Variants in EIF3E observed in about 807,000 individuals in gnomAD.
EIF3E encodes eIF-3 p48.
A neutral mutation model predicts 59.3 loss-of-function variants in EIF3E; 25 were observed. That is an observed-to-expected ratio of 0.42 (90% CI 0.31 to 0.59). EIF3E has a LOEUF of 0.59. Ranked by LOEUF, EIF3E falls within the 20% of genes least tolerant of loss-of-function variation. EIF3E has a pLI of 0.15. For synonymous variants in EIF3E, 176 were observed against 170.2 expected, an observed-to-expected ratio of 1.03 and a Z score of -0.26; for missense variants, 317 against 534.3, an observed-to-expected ratio of 0.59 and a Z score of 4.01.
At chr8:108,203,249 A>C in intron 11 of EIF3E, 132 bp from the exon 12 acceptor site, 1 of 1,312,198 alleles carries the variant, frequency 7.6e-7, no homozygotes, top group Non-Finnish European at 1.0e-6. Context: ...CCAAGGAAGA[A>C]AAAAAATAGG....
intron 12 of EIF3E, 21 bp from the exon 13 acceptor site, chr8:108,201,944 T>A (rs868657090): frequency 6.4e-7 from 1 of 1,565,982 alleles, no homozygotes; most frequent in Middle Eastern, 1.7e-4. Flanking sequence ...CAAAAAGAAA[T>A]CAACACCGTG....
At chr8:108,236,237 A>C in intron 3 of EIF3E, 34 bp from the exon 4 acceptor site, 4 of 1,571,254 alleles carry the variant, frequency 2.5e-6, no homozygotes, top group Non-Finnish European at 3.5e-6. Context: ...ACATTATTTT[A>C]AAGGCCACAG....
chr8:108,226,393 C>G (rs894418049), intron 7 of EIF3E: 3 of 152,052 alleles, frequency 2.0e-5, no homozygotes, highest in Non-Finnish European at 4.4e-5. Context: ...TGGAGTTTCA[C>G]CACGTTGACC....
chr8:108,228,211 C>A lies in EIF3E; in HGVS notation c.722+56G>T. ...GAAAAAAGTATATTTTAAGTTTAAACAACTCCATGTAATTTTATCTAAACA... is the reference window on the plus strand; with the variant it reads ...GAAAAAAGTATATTTTAAGTTTAAAAAACTCCATGTAATTTTATCTAAACA... On this transcript the variant is annotated intron_variant, in intron 7 of 12. Coordinates refer to ENST00000220849, the MANE Select transcript of EIF3E (RefSeq NM_001568.3). 6 of 1,459,370 alleles carry A rather than the reference C, an allele frequency of 4.1e-6. No individual in the cohort carries two copies. The South Asian group carries it at 4.4e-5, about 11-fold the overall frequency. The allele number at this position is 1,459,370 out of a possible 1,614,324, so 90.4% of individuals were successfully genotyped here. A position where few individuals can be genotyped will look rare whatever the true frequency, so the allele number is the denominator to read the frequency against.
In EIF3E at chr8:108,216,020, AGTT is replaced by A. The variant is rs1815294832; in HGVS notation, c.951+389_951+391del. ...ATCTATGAACCAAAATTAAAAACAC[AGTT>A]GTTATTTGCAATTCAAAGTGACCTT... On this transcript the variant is annotated intron_variant, in intron 9 of 12. Transcript: ENST00000220849. 3.3e-5 allele frequency among the ~76,000 whole-genome samples: 5 copies of A among 152,332 alleles called. No individual in the cohort carries two copies. In the South Asian group the frequency reaches 1.0e-3, roughly 32 times the overall value.
chr8:108,243,023 T>C (rs1258936584), intron 1 of EIF3E, among the ~76,000 whole-genome samples: 1 of 152,190 alleles, frequency 6.6e-6, no homozygotes, highest in Non-Finnish European at 1.5e-5. Context: ...ATAGTCAAAG[T>C]GCACTTCCAA....
intron 10 of EIF3E, 86 bp from the exon 11 acceptor site, chr8:108,203,589 T>C: frequency 5.8e-6 from 6 of 1,029,726 alleles, no homozygotes; most frequent in South Asian, 4.1e-5. Context: ...ACACTCTGCA[T>C]AGATACTTTT....
chr8:108,207,660 G>A (rs989324674), intron 10 of EIF3E, among the ~76,000 whole-genome samples: 1 of 152,156 alleles, frequency 6.6e-6, no homozygotes, highest in Admixed American at 6.5e-5. Context: ...GCTTAAGGTA[G>A]ATACTTAAAT....
chr8:108,248,038 G>A (rs1815981560), intron 1 of EIF3E, among the ~76,000 whole-genome samples: 1 of 107,250 alleles, frequency 9.3e-6, no homozygotes, highest in Non-Finnish European at 1.9e-5. Flanking sequence ...GGGGGGGGGC[G>A]GGGGAGCGCC....
chr8:108,228,167 A>G (rs1815553986), intron 7 of EIF3E, 100 bp downstream of exon 7: 1 of 1,297,494 alleles, frequency 7.7e-7, no homozygotes, highest in Non-Finnish European at 1.0e-6. Context: ...AAAACAGGTG[A>G]CAACAAATTC....
Position 108,240,608 on chromosome 8 carries a change from G to A in EIF3E, c.206-533C>T, listed in dbSNP as rs765700993. On this transcript the variant is annotated intron_variant, in intron 2 of 12. Transcript: ENST00000220849. ...ATAATCTCTCAAACCAAATTCTATCGTTCCTTTTACTATACTATGAAAAGG... is the reference window on the plus strand; with the variant it reads ...ATAATCTCTCAAACCAAATTCTATCATTCCTTTTACTATACTATGAAAAGG... 3.3e-5 allele frequency among the ~76,000 whole-genome samples: 5 copies of A among 152,192 alleles called. 1 individual carries two copies. The highest frequency in any genetic ancestry group is 9.6e-5 in the African/African-American group (4 of 41,538).
chr8:108,233,798 C>T (rs1301724689), intron 5 of EIF3E: 3 of 145,398 alleles, frequency 2.1e-5, no homozygotes, highest in Non-Finnish European at 4.3e-5. Context: ...ATGATGGCAC[C>T]ACTGCACTCT....
intron 1 of EIF3E, among the ~76,000 whole-genome samples, chr8:108,245,323 G>C (rs1342593077): frequency 6.6e-6 from 1 of 152,072 alleles, no homozygotes; most frequent in African/African-American, 2.4e-5. Flanking sequence ...AAAAAAATCA[G>C]CCGGACATGG....
intron 10 of EIF3E, among the ~76,000 whole-genome samples, chr8:108,207,751 G>A (rs1815130343): frequency 2.0e-5 from 3 of 152,008 alleles, no homozygotes; most frequent in South Asian, 2.1e-4. Context: ...ACACAACATC[G>A]AATATGTTAA....
chr8:108,233,205 GAA>G, intron 5 of EIF3E, among the ~76,000 whole-genome samples: 1 of 152,054 alleles, frequency 6.6e-6, no homozygotes, highest in Middle Eastern at 3.4e-3. Flanking sequence ...AAGCAAGAAA[GAA>G]AAAAAGTTGT....
intron 4 of EIF3E, 40 bp from the exon 5 acceptor site, chr8:108,235,142 G>C: frequency 7.6e-7 from 1 of 1,317,072 alleles, no homozygotes; most frequent in Non-Finnish European, 1.0e-6. Flanking sequence ...CTTTAATTTA[G>C]AGTTTTAAAA....
chr8:108,231,851 T>G (rs577226262), intron 5 of EIF3E: 2 of 151,874 alleles, frequency 1.3e-5, no homozygotes, highest in Admixed American at 1.3e-4. Context: ...GTCTTTTCTT[T>G]TTTTTTTTAA....
At chr8:108,229,216 A>G in intron 5 of EIF3E, 21 bp from the exon 6 acceptor site, 1 of 1,609,400 alleles carries the variant, frequency 6.2e-7, no homozygotes, top group African/African-American at 1.3e-5. Flanking sequence ...AATCATAATT[A>G]ATTATATTGT....
At chr8:108,223,844 G>C (rs1815469022) in intron 7 of EIF3E, among the ~76,000 whole-genome samples, 1 of 151,384 alleles carries the variant, frequency 6.6e-6, no homozygotes, top group Non-Finnish European at 1.5e-5. Context: ...TGATGTAAGA[G>C]ACTTTAACCT....
Sources: gnomAD v4.1 joint callset for allele counts (sites outside exome capture counted in the v4.1 genomes callset) on GRCh38, gnomAD v4.1.1 for gene constraint, MANE v1.5 for transcripts, NCBI Gene and HGNC (gene_info 2026-07-23, HGNC 2026-07-21) for gene names.